ARHGAP24: variants seen among roughly 807,000 people sequenced by gnomAD.
ARHGAP24 encodes the protein Rho GTPase activating protein 24, also known as rho GTPase-activating protein 24.
Under a neutral mutation model 76.4 loss-of-function variants are expected in ARHGAP24, and 50 were observed. The observed-to-expected ratio is 0.65, with a 90% CI of 0.52 to 0.83. The LOEUF is 0.83. ARHGAP24 is among the 40% of genes least tolerant of loss of function. The pLI, the probability that ARHGAP24 is intolerant of heterozygous loss-of-function variation, is 0.00. For synonymous variants in ARHGAP24, 345 were observed against 323.3 expected, an observed-to-expected ratio of 1.07 and a Z score of -0.72; for missense variants, 930 against 914.2, an observed-to-expected ratio of 1.02 and a Z score of -0.22.
At chr4:85,552,931 G>A (rs150341673) in intron 1 of ARHGAP24, among the ~76,000 whole-genome samples, 101 of 152,164 alleles carry the variant, frequency 6.6e-4, no homozygotes, top group African/African-American at 2.4e-3. Flanking sequence ...TGCATTCTTG[G>A]TCTCGCTGGT....
Position 85,478,743 on chromosome 4 carries a change from C to T in ARHGAP24, c.-21+3184C>T, listed in dbSNP as rs1049692503. 2.0e-5 allele frequency among the ~76,000 whole-genome samples: 3 copies of T among 152,234 alleles called. No individual in the cohort carries two copies. In the East Asian group the frequency reaches 5.8e-4, roughly 29 times the overall value. Reference sequence around the variant, plus strand: ...CTGATCTCTGGTTCATGGATTCATTCTCCTGGAATGCCTTCTGTCTGAAAG... The same window carrying T: ...CTGATCTCTGGTTCATGGATTCATTTTCCTGGAATGCCTTCTGTCTGAAAG... On this transcript the variant is annotated intron_variant, in intron 1 of 9. Transcript: ENST00000395184.
At chr4:85,657,375 C>CTTTAGTTTCATAACTAAAGTTTGAAA (rs1326325263) in intron 2 of ARHGAP24, among the ~76,000 whole-genome samples, 107 of 152,000 alleles carry the variant, frequency 7.0e-4, no homozygotes, top group Non-Finnish European at 1.1e-3. Context: ...AAAGTTTGAA[C>CTTTAGTTTCATAACTAAAGTTTGAAA]CTTTAGTTTC....
At position 85,942,165 on chromosome 4, in the gene ARHGAP24, G is replaced by A. The variant is rs750510635; in HGVS notation, c.491G>A (p.Arg164Gln). ...MLVEQCVDFIRQRGLKEEGLF... is the reference protein window; with the variant it reads ...MLVEQCVDFIQQRGLKEEGLF... The stretch of plus-strand genomic sequence containing the variant: ...GTGGAGCAGTGCGTGGACTTTATCC[G>A]ACAAAGGGGGCTGAAAGAAGAGGGT... The change falls in exon 5 of 10, where the codon CGA becomes CAA. Residue 164 changes from arginine to glutamine, a missense_variant. By Grantham distance (43) the Arg-to-Gln change is conservative. Transcript: ENST00000395184. 29 of 1,613,882 alleles carry A rather than the reference G, an allele frequency of 1.8e-5. No individual in the cohort carries two copies. The highest frequency in any genetic ancestry group is 2.2e-5 in the Non-Finnish European group (26 of 1,180,002).
chr4:85,967,809 C>G (rs148469551), intron 5 of ARHGAP24, among the ~76,000 whole-genome samples: 1 of 152,242 alleles, frequency 6.6e-6, no homozygotes, highest in East Asian at 1.9e-4. Flanking sequence ...AGAATTACAA[C>G]AAATCTAGTT....
intron 5 of ARHGAP24, among the ~76,000 whole-genome samples, chr4:85,969,889 T>C (rs1464995707): frequency 6.6e-6 from 1 of 152,194 alleles, no homozygotes; most frequent in African/African-American, 2.4e-5. Context: ...TTTTATTTTC[T>C]TTACAAGGTT....
chr4:85,856,471 CTT>C (rs3029091), intron 3 of ARHGAP24, among the ~76,000 whole-genome samples: 88 of 128,520 alleles, frequency 6.8e-4, no homozygotes, highest in South Asian at 1.5e-3. Flanking sequence ...GGAAATTACT[CTT>C]TTTTTTTTTT....
intron 3 of ARHGAP24, among the ~76,000 whole-genome samples, chr4:85,884,510 G>A (rs184436419): frequency 8.5e-5 from 13 of 152,214 alleles, no homozygotes; most frequent in Admixed American, 3.9e-4. Flanking sequence ...GGTATTATGC[G>A]TGGTCACTGG....
chr4:85,903,747 C>A (rs1429339672), intron 3 of ARHGAP24, among the ~76,000 whole-genome samples: 1 of 152,020 alleles, frequency 6.6e-6, no homozygotes, highest in Admixed American at 6.6e-5. Context: ...TGTTTAAAAT[C>A]TTCCCTCAGA....
At chr4:85,877,108 CTTTT>C (rs1732979705) in intron 3 of ARHGAP24, among the ~76,000 whole-genome samples, 1 of 152,096 alleles carries the variant, frequency 6.6e-6, no homozygotes, top group Non-Finnish European at 1.5e-5. Flanking sequence ...TATCATCTAT[CTTTT>C]TGTTTTCTTA....
chr4:85,616,488 T>G (rs76892672), intron 2 of ARHGAP24, among the ~76,000 whole-genome samples: 3,680 of 152,276 alleles, frequency 0.024, 145 homozygotes, highest in African/African-American at 0.083. Context: ...TATGATCTTG[T>G]TTGTCTTCAT....
chr4:85,660,121 G>C (rs981030903), intron 2 of ARHGAP24, among the ~76,000 whole-genome samples: 5 of 152,072 alleles, frequency 3.3e-5, no homozygotes, highest in Non-Finnish European at 7.4e-5. Flanking sequence ...GCAGTTGAGT[G>C]CCTTCAATTG....
chr4:85,972,504 A>T (rs1195055635), intron 6 of ARHGAP24: 4 of 304,914 alleles, frequency 1.3e-5, no homozygotes, highest in Non-Finnish European at 1.9e-5. Flanking sequence ...GTGGACCCAA[A>T]CCACTTCAAA....
In ARHGAP24 at chr4:85,631,056, G is replaced by A. The variant is rs150289364; in HGVS notation, c.180+60335G>A. Reference sequence around the variant, plus strand: ...TCTCTCACAGAGAGAGAGGGAGAGTGAGAAAGAGAAAAAGAGAGAGTAAGT... The same window carrying A: ...TCTCTCACAGAGAGAGAGGGAGAGTAAGAAAGAGAAAAAGAGAGAGTAAGT... On this transcript the variant is annotated intron_variant, in intron 2 of 9. Coordinates refer to ENST00000395184, the MANE Select transcript of ARHGAP24 (RefSeq NM_001025616.3). Among the ~76,000 whole-genome samples the A allele has an allele frequency of 4.9e-4, 75 of 152,156 alleles. No individual in the cohort carries two copies. The Middle Eastern group carries it at 0.01, about 21-fold the overall frequency.
chr4:85,661,281 A>G (rs935890468), intron 2 of ARHGAP24, among the ~76,000 whole-genome samples: 3 of 152,172 alleles, frequency 2.0e-5, no homozygotes, highest in African/African-American at 7.2e-5. Context: ...TGGAGAATGA[A>G]TCTAAGAAAC....
intron 1 of ARHGAP24, among the ~76,000 whole-genome samples, chr4:85,561,841 G>T (rs1368412568): frequency 6.6e-6 from 1 of 152,158 alleles, no homozygotes; most frequent in Non-Finnish European, 1.5e-5. Flanking sequence ...CCAAAGGGGA[G>T]ACAGAGAAAT....
chr4:85,578,749 TATC>T (rs3028042), intron 2 of ARHGAP24, among the ~76,000 whole-genome samples: 1 of 151,372 alleles, frequency 6.6e-6, no homozygotes, highest in African/African-American at 2.4e-5. Flanking sequence ...TTGATGTTAC[TATC>T]ATCATCATCA....
chr4:85,618,827 T>C (rs946219906), intron 2 of ARHGAP24, among the ~76,000 whole-genome samples: 3 of 151,324 alleles, frequency 2.0e-5, no homozygotes, highest in Admixed American at 1.3e-4. Context: ...TTGAGTAATT[T>C]GTTTTCTTTC....
intron 3 of ARHGAP24, among the ~76,000 whole-genome samples, chr4:85,734,550 A>G (rs1725532735): frequency 6.6e-6 from 1 of 151,288 alleles, no homozygotes; most frequent in African/African-American, 2.4e-5. Flanking sequence ...CTTGTCATTT[A>G]GGATATACAG....
chr4:85,940,288 G>A (rs1379929321), intron 4 of ARHGAP24, among the ~76,000 whole-genome samples: 1 of 151,958 alleles, frequency 6.6e-6, no homozygotes, highest in Non-Finnish European at 1.5e-5. Flanking sequence ...ATAATTTTCA[G>A]CCTCAGCATG....
Sources: gnomAD v4.1 joint callset for allele counts (sites outside exome capture counted in the v4.1 genomes callset) on GRCh38, gnomAD v4.1.1 for gene constraint, MANE v1.5 for transcripts, NCBI Gene and HGNC (gene_info 2026-07-23, HGNC 2026-07-21) for gene names.